TBL1X: variants seen among roughly 807,000 people sequenced by gnomAD.
TBL1X encodes transducin beta like 1 X-linked.
Under a neutral mutation model 50.7 loss-of-function variants are expected in TBL1X, and 10 were observed. That is an observed-to-expected ratio of 0.20 (90% CI 0.12 to 0.33). The LOEUF (loss-of-function observed/expected upper bound fraction) is 0.33, where lower values mean the gene tolerates loss of function less well. Among genes scored for constraint, TBL1X ranks in the 10% least tolerant of loss-of-function variants. TBL1X has a pLI of 1.00. For synonymous variants in TBL1X, 190 were observed against 214.7 expected, an observed-to-expected ratio of 0.88 and a Z score of 1.01; for missense variants, 340 against 504.4, an observed-to-expected ratio of 0.67 and a Z score of 3.12.
At chrX:9,692,303 A>G (rs1319958956) in intron 9 of TBL1X, 49 bp downstream of exon 9, 11 of 1,144,807 alleles carry the variant, frequency 9.6e-6, no homozygotes, top group Non-Finnish European at 1.3e-5. Context: ...AAAATCGGCC[A>G]GCCACCAGGC....
At chrX:9,574,032 A>G (rs1280214231) in intron 2 of TBL1X, among the ~76,000 whole-genome samples, 1 of 111,786 alleles carries the variant, frequency 8.9e-6, no homozygotes, top group Non-Finnish European at 1.9e-5. Flanking sequence ...GAAAGGATGC[A>G]GCGCTTACAG....
chrX:9,708,703 C>CAAAA (rs35805085), intron 13 of TBL1X, among the ~76,000 whole-genome samples: 20 of 72,241 alleles, frequency 2.8e-4, no homozygotes, highest in Non-Finnish European at 4.9e-4. Context: ...GCAAAAATCC[C>CAAAA]AAAAAAAAAA....
intron 1 of TBL1X, among the ~76,000 whole-genome samples, chrX:9,484,917 A>G (rs2081902943): frequency 1.3e-5 from 1 of 75,989 alleles, no homozygotes; most frequent in Non-Finnish European, 2.5e-5. Context: ...CCCTGGCACT[A>G]AAAAAAAAAA....
chrX:9,686,404 TA>T, intron 6 of TBL1X, among the ~76,000 whole-genome samples: 1 of 112,396 alleles, frequency 8.9e-6, no homozygotes, highest in Non-Finnish European at 1.9e-5. Flanking sequence ...TTCTAATCAT[TA>T]AAAAGTGAGA....
chrX:9,622,452 T>C (rs910250340), intron 2 of TBL1X, among the ~76,000 whole-genome samples: 7 of 111,116 alleles, frequency 6.3e-5, no homozygotes, highest in Middle Eastern at 4.6e-3. Context: ...GTGTCAGAAT[T>C]TCATTCTTTT....
At chrX:9,526,599 G>A (rs1472565263) in intron 2 of TBL1X, among the ~76,000 whole-genome samples, 2 of 111,325 alleles carry the variant, frequency 1.8e-5, no homozygotes, top group East Asian at 5.6e-4. Context: ...TTTTCTGTAA[G>A]GGACCAGAGA....
intron 2 of TBL1X, among the ~76,000 whole-genome samples, chrX:9,629,250 G>A (rs756036507): frequency 1.8e-5 from 2 of 112,924 alleles, no homozygotes; most frequent in Non-Finnish European, 3.7e-5. Flanking sequence ...TTTGTAGGTA[G>A]TTTTATTGGA....
intron 1 of TBL1X, among the ~76,000 whole-genome samples, chrX:9,479,887 T>C (rs2081870307): frequency 9.0e-6 from 1 of 110,728 alleles, no homozygotes; most frequent in South Asian, 3.8e-4. Flanking sequence ...CACGTATAAT[T>C]GAGACTACTG....
intron 2 of TBL1X, among the ~76,000 whole-genome samples, chrX:9,602,184 CACAGCGATATTCTATGCTATGT>C (rs1483202397): frequency 8.9e-6 from 1 of 111,961 alleles, no homozygotes; most frequent in African/African-American, 3.2e-5. Context: ...TGGTTATAAG[CACAGCGATATTCTATGCTATGT>C]ACAGCTCTCA....
At chrX:9,633,071 C>A in intron 2 of TBL1X, among the ~76,000 whole-genome samples, 1 of 112,279 alleles carries the variant, frequency 8.9e-6, no homozygotes, top group Non-Finnish European at 1.9e-5. Context: ...CAATTTTTAT[C>A]ATTTAATCAT....
At chrX:9,558,014 T>G (rs746990327) in intron 2 of TBL1X, among the ~76,000 whole-genome samples, 22 of 112,504 alleles carry the variant, frequency 2.0e-4, no homozygotes, top group African/African-American at 6.8e-4. Context: ...CAGACATTGT[T>G]TATAAACTGA....
rs138594390 is a variant in TBL1X, at chrX:9,566,244, C to T, written c.-131+64395C>T. On this transcript the variant is annotated intron_variant, in intron 2 of 17. Coordinates refer to ENST00000645353, the MANE Select transcript of TBL1X (RefSeq NM_005647.4). ...GCCTCCACCCACTGGATGCCAGTGGCATTCCTCCGCCAGTCCTGACAAATA... is the reference window on the plus strand; with the variant it reads ...GCCTCCACCCACTGGATGCCAGTGGTATTCCTCCGCCAGTCCTGACAAATA... 5.5e-4 allele frequency among the ~76,000 whole-genome samples: 62 copies of T among 112,067 alleles called. No individual in the cohort carries two copies. In the East Asian group the frequency reaches 0.017, roughly 30 times the overall value.
In TBL1X at chrX:9,651,984, G is replaced by A. The variant is rs747821580; in HGVS notation, c.-42-1561G>A. 1.6e-4 allele frequency among the ~76,000 whole-genome samples: 18 copies of A among 112,221 alleles called. No homozygotes were observed. In the East Asian group the frequency reaches 5.0e-3, roughly 31 times the overall value. On this transcript the variant is annotated intron_variant, in intron 3 of 17. Transcript: ENST00000645353. ...ACATTCATTCTCTCACCGTGGCTGC[G>A]GGTCACGGGTCCAGGCACAGCACAG...
At chrX:9,691,983 G>A (rs1274997793) in intron 8 of TBL1X, 130 bp from the exon 9 acceptor site, 1 of 1,044,509 alleles carries the variant, frequency 9.6e-7, no homozygotes, top group Non-Finnish European at 1.3e-6. Flanking sequence ...GAGGGAAACA[G>A]GGATCCAGAG....
chrX:9,625,881 TAC>T (rs1267132473), intron 2 of TBL1X, among the ~76,000 whole-genome samples: 2 of 112,257 alleles, frequency 1.8e-5, no homozygotes, highest in Admixed American at 1.9e-4. Context: ...GGGCGGAGGT[TAC>T]AGTGAGCCGA....
At chrX:9,471,259 TATA>T (rs1286719755) in intron 1 of TBL1X, among the ~76,000 whole-genome samples, 13 of 112,592 alleles carry the variant, frequency 1.2e-4, no homozygotes, top group African/African-American at 4.2e-4. Context: ...TGTTTTCTAA[TATA>T]ATCCTTGTCC....
intron 1 of TBL1X, among the ~76,000 whole-genome samples, chrX:9,474,020 CAG>C (rs934306706): frequency 8.9e-5 from 10 of 112,248 alleles, no homozygotes; most frequent in African/African-American, 2.6e-4. Context: ...GGGGGAAGGA[CAG>C]GGGACAGAAA....
intron 6 of TBL1X, among the ~76,000 whole-genome samples, chrX:9,686,723 C>T (rs953566633): frequency 1.2e-4 from 13 of 111,923 alleles, no homozygotes; most frequent in Non-Finnish European, 2.4e-4. Flanking sequence ...GACAGTGTGC[C>T]CGCGGAGTTT....
At chrX:9,467,498 C>T (rs2081783677) in intron 1 of TBL1X, among the ~76,000 whole-genome samples, 1 of 112,232 alleles carries the variant, frequency 8.9e-6, no homozygotes, top group Non-Finnish European at 1.9e-5. Context: ...TTTTTTCCTC[C>T]CTTAGGAAAA....
Sources: gnomAD v4.1 joint callset for allele counts (sites outside exome capture counted in the v4.1 genomes callset) on GRCh38, gnomAD v4.1.1 for gene constraint, MANE v1.5 for transcripts, NCBI Gene and HGNC (gene_info 2026-07-23, HGNC 2026-07-21) for gene names.